The following EPS8L2 variants were observed in gnomAD, a reference collection of about 807,000 sequenced individuals.
EPS8L2 encodes EPS8 signaling adaptor L2.
Under a neutral mutation model 99.4 loss-of-function variants are expected in EPS8L2, and 81 were observed. That is an observed-to-expected ratio of 0.82 (90% CI 0.68 to 0.98). The LOEUF (loss-of-function observed/expected upper bound fraction) is 0.98, where lower values mean the gene tolerates loss of function less well. Ranked by LOEUF, EPS8L2 falls within the 50% of genes least tolerant of loss-of-function variation. The pLI is 0.00. For synonymous variants in EPS8L2, 509 were observed against 407.3 expected, an observed-to-expected ratio of 1.25 and a Z score of -3.01; for missense variants, 1,155 against 968.8, an observed-to-expected ratio of 1.19 and a Z score of -2.55.
At position 715,821 on chromosome 11, in the gene EPS8L2, C is replaced by T. The variant is rs190456191; in HGVS notation, c.166-4241C>T. On this transcript the variant is annotated intron_variant, in intron 4 of 20. Coordinates refer to ENST00000318562, the MANE Select transcript of EPS8L2 (RefSeq NM_022772.4). ...ATTTTTAGTAGAGACGGGGTTTCAC[C>T]GCGTTAGCCAGGATGGTCTCGATCT... Among the ~76,000 whole-genome samples the T allele has an allele frequency of 3.4e-3, 522 of 151,374 alleles. 3 individuals carry two copies. The highest frequency in any genetic ancestry group is 0.012 in the African/African-American group (480 of 41,330).
rs1228045583 is a variant in EPS8L2, at chr11:724,707, C to T, written c.1455-17C>T. On this transcript the variant is annotated splice_polypyrimidine_tract_variant and intron_variant, in intron 15 of 20. Coordinates refer to ENST00000318562, the MANE Select transcript of EPS8L2 (RefSeq NM_022772.4). This position sits in a 1 kb window ranked among gnomAD's most constrained non-coding sequence, Gnocchi z 5.5. Reference sequence around the variant, plus strand: ...ACCCCCACCAGACTGGGCCTCAGCCCCTCCTGTTCCTCACAGGGGCTACCA... The same window carrying T: ...ACCCCCACCAGACTGGGCCTCAGCCTCTCCTGTTCCTCACAGGGGCTACCA... 2 of 1,598,790 alleles carry T rather than the reference C, an allele frequency of 1.3e-6. No individual in the cohort carries two copies. The highest frequency in any genetic ancestry group is 8.6e-7 in the Non-Finnish European group (1 of 1,167,040).
At chr11:726,195 G>A (rs376502882) in intron 18 of EPS8L2, 25 bp downstream of exon 18, 31 of 1,596,562 alleles carry the variant, frequency 1.9e-5, no homozygotes, top group Middle Eastern at 1.7e-4. Flanking sequence ...TTCGAGGCGG[G>A]GGTCCCGGGC....
At chr11:711,292 C>CT (rs900399379) in intron 4 of EPS8L2, among the ~76,000 whole-genome samples, 9 of 149,872 alleles carry the variant, frequency 6.0e-5, no homozygotes, top group African/African-American at 2.2e-4. Flanking sequence ...GTGTGTGTGT[C>CT]TTTTTTTCTT....
intron 3 of EPS8L2, chr11:710,093 T>G: frequency 2.7e-6 from 1 of 372,984 alleles, no homozygotes; most frequent in Non-Finnish European, 5.0e-6. Context: ...GCTCTCAGAG[T>G]GGGAAGAAGC....
rs759615652 is a variant in EPS8L2 at position 722,704 on chromosome 11, C to G, written c.1240C>G (p.Leu414Val). 1 of 1,609,086 alleles carries G rather than the reference C, an allele frequency of 6.2e-7. No homozygotes were observed. ...GTGGCCGCGGGAGCCACAGGTGCCC[C>G]TCTACGTGCCCAAGTTCCACAGCGG... ...SEWPREPQVPLYVPKFHSGWE... is the reference protein window; with the variant it reads ...SEWPREPQVPVYVPKFHSGWE... Residue 414 changes from leucine (L) to valine (V), a missense_variant, in exon 14 of 21, where the codon CTC (leucine) becomes GTC (valine). By Grantham distance (32) the Leu-to-Val change is conservative. Coordinates refer to ENST00000318562, the MANE Select transcript of EPS8L2 (RefSeq NM_022772.4).
Position 709,313 on chromosome 11 carries a change from C to A in EPS8L2, c.-78-17C>A. 1.4e-6 allele frequency: 2 copies of A among 1,407,664 alleles called. No homozygotes were observed. Among genetic ancestry groups the A allele is most frequent in the South Asian group, 2.5e-5 (2 of 80,496 alleles). 87.2% of individuals were successfully genotyped at this position (1,407,664 alleles called of 1,614,324 possible). A position where few individuals can be genotyped will look rare whatever the true frequency, so the allele number is the denominator to read the frequency against. On this transcript the variant is annotated splice_polypyrimidine_tract_variant and intron_variant, in intron 1 of 20. Coordinates refer to ENST00000318562, the MANE Select transcript of EPS8L2 (RefSeq NM_022772.4). ...CAGGCCGGAGGAAGTGTCAGCGCAG[C>A]CCTTCTGTCCACCCAGGTGTGGGAC...
intron 4 of EPS8L2, among the ~76,000 whole-genome samples, chr11:714,993 A>G (rs1474459961): frequency 6.6e-6 from 1 of 152,168 alleles, no homozygotes; most frequent in Non-Finnish European, 1.5e-5. Context: ...CTGTAATCCC[A>G]GCACTTTGGG....
chr11:720,674 G>T lies in EPS8L2; in HGVS notation c.405G>T (p.Val135=). Residue 135 remains valine (V), a synonymous_variant, in exon 6 of 21, where the codon GTG becomes GTT. Coordinates refer to ENST00000318562, the MANE Select transcript of EPS8L2 (RefSeq NM_022772.4). ...TVLNQLRYPS[V]LLLVCQDSEQ... ...TCAACCAGCTGCGCTACCCGTCTGTGCTGCTGCTCGTGTGCCAGGACTCGG... is the reference window on the plus strand; with the variant it reads ...TCAACCAGCTGCGCTACCCGTCTGTTCTGCTGCTCGTGTGCCAGGACTCGG... The T allele has an allele frequency of 6.3e-7, 1 of 1,597,276 alleles. No individual in the cohort carries two copies. Among genetic ancestry groups the T allele is most frequent in the Non-Finnish European group, 8.5e-7 (1 of 1,173,540 alleles).
intron 1 of EPS8L2, chr11:706,613 G>C (rs1183845579): frequency 6.5e-6 from 1 of 152,884 alleles, no homozygotes; most frequent in East Asian, 1.9e-4. Flanking sequence ...GCTTGGTGGG[G>C]GCAATCCCTG....
Position 720,759 on chromosome 11 carries a change from CGG to C in EPS8L2, c.477+15_477+16del, listed in dbSNP as rs1862135677. 4.9e-6 allele frequency: 5 copies of C among 1,022,808 alleles called. No homozygotes were observed. In the Middle Eastern group the frequency reaches 1.0e-3, roughly 209 times the overall value. 63.4% of individuals were successfully genotyped at this position (1,022,808 alleles called of 1,614,324 possible). ...CGATGAGGTGGAGGTGAGGCGGTGC[CGG>C]GCGGGGCAGGGTGGGGCCCCGCCGC... On this transcript the variant is annotated intron_variant, in intron 6 of 20. Coordinates refer to ENST00000318562, the MANE Select transcript of EPS8L2 (RefSeq NM_022772.4).
At position 720,868 on chromosome 11, in the gene EPS8L2, C is replaced by G. The variant is rs539592756; in HGVS notation, c.516C>G (p.Ala172=). 4.1e-5 allele frequency: 59 copies of G among 1,455,216 alleles called. No individual in the cohort carries two copies. In the African/African-American group the frequency reaches 7.7e-4, roughly 19 times the overall value. 90.1% of individuals were successfully genotyped at this position (1,455,216 alleles called of 1,614,324 possible). The change falls in exon 7 of 21, where the codon GCC becomes GCG. Residue 172 remains alanine, a synonymous_variant. Transcript: ENST00000318562. ...ACGAGGACATCGAGAGCGCGTTGGC[C>G]GACTGCCGGCTGGGCAAGAAGATGC... The part of the protein sequence containing the change: ...LVHEDIESAL[A]DCRLGKKMRP...
intron 4 of EPS8L2, among the ~76,000 whole-genome samples, chr11:714,027 G>A (rs1042607841): frequency 1.3e-5 from 2 of 152,106 alleles, no homozygotes; most frequent in Non-Finnish European, 2.9e-5. Flanking sequence ...CACTGCGTCC[G>A]GCCTCCATCA....
At chr11:712,240 T>A in intron 4 of EPS8L2, among the ~76,000 whole-genome samples, 1 of 150,050 alleles carries the variant, frequency 6.7e-6, no homozygotes, top group Non-Finnish European at 1.5e-5. Context: ...GAGCCGGGAT[T>A]GCGCCACTGC....
chr11:720,999 C>CCCGGCAGGGGAGGGGAGGAGT, intron 7 of EPS8L2, 65 bp from the exon 8 acceptor site: 1 of 1,423,694 alleles, frequency 7.0e-7, no homozygotes, highest in Non-Finnish European at 9.4e-7. Context: ...AGGGGAGGAG[C>CCCGGCAGGGGAGGGGAGGAGT]CCGGCAGGGA....
At position 709,426 on chromosome 11, in the gene EPS8L2, G is replaced by C. The variant is rs558489382; in HGVS notation, c.19G>C (p.Val7Leu). ...AGACACCATGAGCCAGTCCGGGGCC[G>C]TGAGCTGCTGCCCGGGTGCCACCAA... MSQSGA[V>L]SCCPGATNGS... The change falls in exon 2 of 21, where the codon GTG (valine) becomes CTG (leucine). Residue 7 changes from valine (V) to leucine (L), a missense_variant. Val to Leu is a conservative substitution (Grantham distance 32). Transcript: ENST00000318562. 1 of 1,594,104 alleles carries C rather than the reference G, an allele frequency of 6.3e-7. No homozygotes were observed. Among genetic ancestry groups the C allele is most frequent in the Non-Finnish European group, 8.5e-7 (1 of 1,171,768 alleles).
chr11:712,842 C>T (rs1009187925), intron 4 of EPS8L2, among the ~76,000 whole-genome samples: 1 of 152,234 alleles, frequency 6.6e-6, no homozygotes, highest in African/African-American at 2.4e-5. Context: ...TGACTTCGGC[C>T]AGCTCAGTGT....
chr11:714,236 C>T (rs1016019484), intron 4 of EPS8L2, among the ~76,000 whole-genome samples: 5 of 145,206 alleles, frequency 3.4e-5, no homozygotes, highest in Admixed American at 6.9e-5. Context: ...TTTCTTTTTT[C>T]TTTTTTTTTT....
Position 725,026 on chromosome 11 carries a change from A to G in EPS8L2, c.1560+197A>G, listed in dbSNP as rs527444794. ...CCCAGCCTGTTGGAGGGGCCTTCCCATCTTGGGGCTCCCCAAAGGCATGCA... is the reference window on the plus strand; with the variant it reads ...CCCAGCCTGTTGGAGGGGCCTTCCCGTCTTGGGGCTCCCCAAAGGCATGCA... On this transcript the variant is annotated intron_variant, in intron 16 of 20. Transcript: ENST00000318562. Among the ~76,000 whole-genome samples, 3 of 152,280 alleles carry G rather than the reference A, an allele frequency of 2.0e-5. No homozygotes were observed. In the South Asian group the frequency reaches 6.2e-4, roughly 32 times the overall value.
intron 10 of EPS8L2, 40 bp downstream of exon 10, chr11:721,731 G>A (rs776097608): frequency 1.4e-4 from 184 of 1,275,592 alleles, no homozygotes; most frequent in South Asian, 1.1e-3. Flanking sequence ...TGCAGGGGAC[G>A]GGGCCAGCAG....
Sources: allele counts gnomAD v4.1 joint callset (sites outside exome capture counted in the v4.1 genomes callset), GRCh38; gene constraint gnomAD v4.1.1; non-coding constraint Gnocchi (gnomAD v3.1); transcripts MANE v1.5; gene names NCBI Gene and HGNC (gene_info 2026-07-23, HGNC 2026-07-21).